Variants in NDUFS1 observed in about 807,000 individuals in gnomAD.
The protein encoded by NDUFS1 is NADH-ubiquinone oxidoreductase 75 kDa subunit, mitochondrial.
NDUFS1 carries 61 observed loss-of-function variants against 84.4 expected under a neutral mutation model. The observed-to-expected ratio is 0.72, with a 90% CI of 0.59 to 0.89. NDUFS1 has a LOEUF of 0.89. NDUFS1 is among the 40% of genes least tolerant of loss of function. NDUFS1 has a pLI of 0.00. For synonymous variants in NDUFS1, 275 were observed against 290.0 expected (o/e 0.95, Z 0.53); for missense variants, 891 against 890.0 (o/e 1.00, Z -0.01).
chr2:206,140,930 A>ATATATATATATACACACACATATACAC (rs1553505251), intron 12 of NDUFS1, among the ~76,000 whole-genome samples: 3 of 134,734 alleles, frequency 2.2e-5, no homozygotes, highest in African/African-American at 5.9e-5. Context: ...GTGTATATAT[A>ATATATATATATACACACACATATACAC]TATATATATA....
chr2:206,129,190 G>GA (rs1416691015), intron 15 of NDUFS1, among the ~76,000 whole-genome samples: 4 of 152,162 alleles, frequency 2.6e-5, no homozygotes, highest in African/African-American at 9.7e-5. Context: ...AAGATGTTAT[G>GA]AAGTACGCAT....
At position 206,147,759 on chromosome 2, in the gene NDUFS1, A is replaced by G. The variant is rs11548670; in HGVS notation, c.414T>C (p.Asp138=). ...CPICDQGGEC[D]LQDQSMMFGN... is the part of the protein sequence containing the mutation. The stretch of plus-strand genomic sequence containing the variant: ...ACAGAATTCTACTACATACCTGCAG[A>G]TCACATTCACCTCCCTGGTCACAAA... The change falls in exon 6 of 19, where the codon GAT becomes GAC. Residue 138 remains aspartate (D), a synonymous_variant. Coordinates refer to ENST00000233190, the MANE Select transcript of NDUFS1 (RefSeq NM_005006.7). 0.039 allele frequency: 63,454 copies of G among 1,613,942 alleles called. 1,501 individuals are homozygous for G. The highest frequency in any genetic ancestry group is 0.1 in the African/African-American group (7,756 of 75,002).
At chr2:206,146,835 C>G in intron 8 of NDUFS1, 68 bp downstream of exon 8, 3 of 1,456,214 alleles carry the variant, frequency 2.1e-6, no homozygotes, top group Non-Finnish European at 2.9e-6. Flanking sequence ...AGAAAATGAA[C>G]CTTAATATTT....
intron 14 of NDUFS1, among the ~76,000 whole-genome samples, chr2:206,131,956 T>C (rs1254782917): frequency 2.0e-5 from 3 of 149,946 alleles, no homozygotes; most frequent in Non-Finnish European, 4.4e-5. Context: ...ATAATAATAA[T>C]AATAATAAAA....
chr2:206,143,014 G>A (rs539930726), intron 10 of NDUFS1, among the ~76,000 whole-genome samples, 183 bp from the exon 11 acceptor site: 1 of 152,350 alleles, frequency 6.6e-6, no homozygotes, highest in African/African-American at 2.4e-5. Flanking sequence ...TACTTTGGGA[G>A]GCAGAAGTGG....
chr2:206,154,059 CT>C (rs1687524670), intron 1 of NDUFS1, among the ~76,000 whole-genome samples: 1 of 152,198 alleles, frequency 6.6e-6, no homozygotes, highest in South Asian at 2.1e-4. Context: ...GTCTTTTCTG[CT>C]TTTATTTCCT....
At position 206,159,396 on chromosome 2, in the gene NDUFS1, C is replaced by T. The variant is rs1184995845; in HGVS notation, c.-60G>A. ...CTAAACTGTCTGGACCACGACGACC[C>T]CCTAGGAGGCCGGGTCGCTTATTCA... On this transcript the variant is annotated 5_prime_UTR_variant, in exon 1 of 19. Transcript: ENST00000233190. The T allele has an allele frequency of 1.9e-6, 1 of 514,920 alleles. No homozygotes were observed. Among genetic ancestry groups the T allele is most frequent in the African/African-American group, 1.9e-5 (1 of 52,208 alleles). 31.9% of individuals were successfully genotyped at this position (514,920 alleles called of 1,614,324 possible). A position where few individuals can be genotyped will look rare whatever the true frequency, so the allele number is the denominator to read the frequency against.
At chr2:206,159,116 G>A (rs767124728) in intron 1 of NDUFS1, 9 of 1,535,740 alleles carry the variant, frequency 5.9e-6, no homozygotes, top group South Asian at 1.2e-5. Context: ...GCGTTCCCGA[G>A]GACCCCCTGA....
At position 206,147,518 on chromosome 2, in the gene NDUFS1, G is replaced by GA. The variant is rs748642956; in HGVS notation, c.551+12dup. 1.4e-5 allele frequency: 22 copies of GA among 1,610,586 alleles called. No individual in the cohort carries two copies. Among genetic ancestry groups the GA allele is most frequent in the Non-Finnish European group, 1.8e-5 (21 of 1,178,546 alleles). ...TTATATTCTATAATAGAAAAAAAAGGAAAAAAAGTTACCTGATGCAGCGAG... is the reference window on the plus strand; with the variant it reads ...TTATATTCTATAATAGAAAAAAAAGGAAAAAAAAGTTACCTGATGCAGCGAG... On this transcript the variant is annotated intron_variant, in intron 7 of 18. Transcript: ENST00000233190.
rs1553501693 is a variant in NDUFS1 at position 206,122,632 on chromosome 2, A to AAAAAAAAAAAAAAAC, written c.*1552_*1553insGTTTTTTTTTTTTTT. 3.3e-5 allele frequency: 5 copies of AAAAAAAAAAAAAAAC among 151,238 alleles called. No individual in the cohort carries two copies. The highest frequency in any genetic ancestry group is 9.7e-5 in the African/African-American group (4 of 41,092). The allele number at this position is 151,238 out of a possible 1,614,324, so 9.4% of individuals were successfully genotyped here. A position where few individuals can be genotyped will look rare whatever the true frequency, so the allele number is the denominator to read the frequency against. Reference sequence around the variant, plus strand: ...GTGACAGAGTAAGACTCCATCTCAAAAAAAAAAAAAAAACAAAGGGAAAAA... The same window carrying AAAAAAAAAAAAAAAC: ...GTGACAGAGTAAGACTCCATCTCAAAAAAAAAAAAAAAAACAAAAAAAAAAAAACAAAGGGAAAAA... On this transcript the variant is annotated 3_prime_UTR_variant, in exon 19 of 19. Transcript: ENST00000233190.
rs1691081741 is a variant in NDUFS1 at position 206,121,070 on chromosome 2, C to A, written c.*3115G>T. ...GATATTTCTTGAGTCTCAATTAATA[C>A]CTACTATTAGCAGAGATTTTGTGAA... On this transcript the variant is annotated 3_prime_UTR_variant, in exon 19 of 19. Coordinates refer to ENST00000233190, the MANE Select transcript of NDUFS1 (RefSeq NM_005006.7). 6.6e-6 allele frequency: 1 copy of A among 152,188 alleles called. No individual in the cohort carries two copies. 9.4% of individuals were successfully genotyped at this position (152,188 alleles called of 1,614,324 possible). A position where few individuals can be genotyped will look rare whatever the true frequency, so the allele number is the denominator to read the frequency against.
At chr2:206,143,622 C>T (rs976791668) in intron 10 of NDUFS1, among the ~76,000 whole-genome samples, 46 of 151,464 alleles carry the variant, frequency 3.0e-4, no homozygotes, top group African/African-American at 1.1e-3. Flanking sequence ...CGCTGTGTCA[C>T]CCAGACTGGA....
intron 11 of NDUFS1, 28 bp downstream of exon 11, chr2:206,142,658 G>C (rs1387819757): frequency 6.2e-7 from 1 of 1,613,640 alleles, no homozygotes; most frequent in African/African-American, 1.3e-5. Flanking sequence ...AGAAAGGAAA[G>C]CCTAGATCCT....
chr2:206,149,171 G>A (rs1277545284), intron 4 of NDUFS1, 75 bp from the exon 5 acceptor site: 3 of 1,067,726 alleles, frequency 2.8e-6, no homozygotes, highest in Non-Finnish European at 2.8e-6. Flanking sequence ...ATATAAAAAT[G>A]TTAAATTATA....
chr2:206,130,174 G>C lies in NDUFS1; in HGVS notation c.1622C>G (p.Pro541Arg). ...KPGVEAIRKN[P>R]PKVLFLLGAD... The stretch of plus-strand genomic sequence containing the variant: ...TCCCAGGAGAAACAGCACCTTGGGA[G>C]GGTTCTTCCGAATTGCTTCCACCCC... The change falls in exon 15 of 19, where the codon CCT becomes CGT. Residue 541 changes from proline to arginine, a missense_variant. Transcript: ENST00000233190. The C allele has an allele frequency of 6.2e-7, 1 of 1,614,176 alleles. No homozygotes were observed. The highest frequency in any genetic ancestry group is 8.5e-7 in the Non-Finnish European group (1 of 1,180,036).
chr2:206,157,245 CT>C (rs1408951912), intron 1 of NDUFS1, among the ~76,000 whole-genome samples: 2 of 152,214 alleles, frequency 1.3e-5, no homozygotes, highest in African/African-American at 4.8e-5. Flanking sequence ...GTCACCGCGC[CT>C]GGCAGACAAC....
chr2:206,131,538 G>A (rs977594156), intron 14 of NDUFS1, among the ~76,000 whole-genome samples: 2 of 151,990 alleles, frequency 1.3e-5, no homozygotes, highest in African/African-American at 2.4e-5. Flanking sequence ...GAAGTGGCTC[G>A]TATCTGTAAT....
rs1361396298 is a variant in NDUFS1, at chr2:206,122,635, A to AAAAAAAAAAAC, written c.*1539_*1549dup. On this transcript the variant is annotated 3_prime_UTR_variant, in exon 19 of 19. Transcript: ENST00000233190. ...ACAGAGTAAGACTCCATCTCAAAAAAAAAAAAAAAACAAAGGGAAAAAGGG... is the reference window on the plus strand; with the variant it reads ...ACAGAGTAAGACTCCATCTCAAAAAAAAAAAAAAAACAAAAAAAAAACAAAGGGAAAAAGGG... 3.3e-5 allele frequency: 5 copies of AAAAAAAAAAAC among 151,430 alleles called. No homozygotes were observed. The highest frequency in any genetic ancestry group is 9.7e-5 in the African/African-American group (4 of 41,108). 9.4% of individuals were successfully genotyped at this position (151,430 alleles called of 1,614,324 possible).
chr2:206,134,585 C>CA (rs142517296), intron 13 of NDUFS1, among the ~76,000 whole-genome samples: 2,027 of 138,908 alleles, frequency 0.015, 20 homozygotes, highest in Non-Finnish European at 0.019. Context: ...ATCTCAAAAA[C>CA]AAAAAAAAAA....
Sources: gnomAD v4.1 joint callset for allele counts (sites outside exome capture counted in the v4.1 genomes callset) on GRCh38, gnomAD v4.1.1 for gene constraint, MANE v1.5 for transcripts, NCBI Gene and HGNC (gene_info 2026-07-23, HGNC 2026-07-21) for gene names.